SGCZ: variants seen among roughly 807,000 people sequenced by gnomAD.
SGCZ encodes zeta-sarcoglycan.
A neutral mutation model predicts 41.3 loss-of-function variants in SGCZ; 40 were observed. The observed-to-expected ratio is 0.97, with a 90% confidence interval of 0.75 to 1.26. The LOEUF is 1.26. Ranked by LOEUF, SGCZ falls within the 50% of genes most tolerant of loss-of-function variation. SGCZ has a pLI of 0.00. For synonymous variants in SGCZ, 206 were observed against 137.5 expected (o/e 1.50, Z -3.49); for missense variants, 552 against 369.8 (o/e 1.49, Z -4.04).
intron 1 of SGCZ, among the ~76,000 whole-genome samples, chr8:14,655,898 A>G (rs1212490320): frequency 6.6e-6 from 1 of 152,062 alleles, no homozygotes; most frequent in African/African-American, 2.4e-5. Flanking sequence ...TTTACTCAGC[A>G]TAATTTTATG....
At chr8:14,650,541 G>A (rs952336047) in intron 1 of SGCZ, among the ~76,000 whole-genome samples, 5 of 151,754 alleles carry the variant, frequency 3.3e-5, no homozygotes, top group Admixed American at 6.6e-5. Context: ...AGTGTCTGCT[G>A]TTTCCCTCTT....
At position 14,862,457 on chromosome 8, in the gene SGCZ, T is replaced by C. The variant is rs111773601; in HGVS notation, c.40-307531A>G. 3.2e-3 allele frequency among the ~76,000 whole-genome samples: 477 copies of C among 148,148 alleles called. 3 individuals carry two copies. The highest frequency in any genetic ancestry group is 0.011 in the African/African-American group (439 of 40,150). On this transcript the variant is annotated intron_variant, in intron 1 of 7. Transcript: ENST00000382080. ...ATAATGCACGAATTATTTGACAAAA[T>C]AGAATAAATTTAAGTATAACAAGAA...
At chr8:14,712,346 T>A (rs986397531) in intron 1 of SGCZ, among the ~76,000 whole-genome samples, 2 of 152,202 alleles carry the variant, frequency 1.3e-5, no homozygotes, top group African/African-American at 4.8e-5. Flanking sequence ...TAATTACTTT[T>A]AAAGACTGTA....
intron 2 of SGCZ, among the ~76,000 whole-genome samples, chr8:14,346,760 T>C (rs1423354719): frequency 6.6e-6 from 1 of 152,064 alleles, no homozygotes; most frequent in South Asian, 2.1e-4. Context: ...ATAATTTTTG[T>C]AGTTAATGTT....
rs1274398775 is a variant in SGCZ at position 14,582,925 on chromosome 8, T to C, written c.40-27999A>G. On this transcript the variant is annotated intron_variant, in intron 1 of 7. Transcript: ENST00000382080. Reference sequence around the variant, plus strand: ...GTCTATCATTGTTGGACATTTGGGTTGGTTCCAAGTCTTTGCTATGGTGAA... The same window carrying C: ...GTCTATCATTGTTGGACATTTGGGTCGGTTCCAAGTCTTTGCTATGGTGAA... Among the ~76,000 whole-genome samples, 13 of 152,086 alleles carry C rather than the reference T, an allele frequency of 8.5e-5. No individual in the cohort carries two copies. In the East Asian group the frequency reaches 2.5e-3, roughly 30 times the overall value.
intron 1 of SGCZ, among the ~76,000 whole-genome samples, chr8:15,202,258 T>A (rs745511166): frequency 8.5e-5 from 13 of 152,110 alleles, no homozygotes; most frequent in Non-Finnish European, 1.5e-4. Flanking sequence ...TGCTCATGAA[T>A]CAATGAGTGA....
At chr8:14,471,896 G>A (rs1276767934) in intron 2 of SGCZ, among the ~76,000 whole-genome samples, 1 of 151,864 alleles carries the variant, frequency 6.6e-6, no homozygotes, top group Non-Finnish European at 1.5e-5. Context: ...CTATGTCAAA[G>A]AAATAATGAC....
intron 5 of SGCZ, among the ~76,000 whole-genome samples, chr8:14,145,956 C>T (rs766912492): frequency 1.1e-4 from 16 of 151,974 alleles, no homozygotes; most frequent in African/African-American, 3.9e-4. Context: ...AAATAGCCTC[C>T]AATGGGTAAA....
intron 2 of SGCZ, among the ~76,000 whole-genome samples, chr8:14,424,645 T>G (rs148196030): frequency 6.6e-6 from 1 of 152,156 alleles, no homozygotes; most frequent in Non-Finnish European, 1.5e-5. Context: ...CAGTGCATAT[T>G]TACATGCATG....
intron 2 of SGCZ, among the ~76,000 whole-genome samples, chr8:14,397,493 G>C (rs773784433): frequency 4.6e-5 from 7 of 152,118 alleles, no homozygotes; most frequent in African/African-American, 1.2e-4. Context: ...TAGTGTCCAA[G>C]TTACATTTTA....
chr8:14,346,176 T>A (rs187815760), intron 2 of SGCZ, among the ~76,000 whole-genome samples: 245 of 152,202 alleles, frequency 1.6e-3, no homozygotes, highest in African/African-American at 5.6e-3. Flanking sequence ...AATACGTTAC[T>A]AATAGGAGAA....
chr8:14,792,750 G>A (rs901549101), intron 1 of SGCZ, among the ~76,000 whole-genome samples: 2 of 151,900 alleles, frequency 1.3e-5, no homozygotes, highest in Middle Eastern at 3.2e-3. Flanking sequence ...AGCACCTAAA[G>A]GTCCAGGGTT....
chr8:14,281,753 G>A (rs565453162), intron 3 of SGCZ, among the ~76,000 whole-genome samples: 28 of 151,854 alleles, frequency 1.8e-4, no homozygotes, highest in Non-Finnish European at 3.5e-4. Context: ...ACACATAGAG[G>A]GGCCTGTGAG....
In SGCZ at chr8:15,029,406, T is replaced by C. The variant is rs1563450810; in HGVS notation, c.39+208179A>G. Reference sequence around the variant, plus strand: ...ATTTTTCTGTGGACTTTTTACTGGATATTGTGTGTGTGCATGTTCATGCAT... The same window carrying C: ...ATTTTTCTGTGGACTTTTTACTGGACATTGTGTGTGTGCATGTTCATGCAT... On this transcript the variant is annotated intron_variant, in intron 1 of 7. Coordinates refer to ENST00000382080, the MANE Select transcript of SGCZ (RefSeq NM_139167.4). 7.2e-5 allele frequency among the ~76,000 whole-genome samples: 11 copies of C among 152,148 alleles called. No homozygotes were observed. In the South Asian group the frequency reaches 2.3e-3, roughly 32 times the overall value.
rs534125330 is a variant in SGCZ, at chr8:15,009,300, A to G, written c.39+228285T>C. 8.5e-5 allele frequency among the ~76,000 whole-genome samples: 13 copies of G among 152,366 alleles called. 1 individual carries two copies. In the South Asian group the frequency reaches 2.7e-3, roughly 32 times the overall value. ...AAGGTGGAGGTGCAACACACTTTCA[A>G]ACAACCAGATCTCGTGAGAACTCAC... On this transcript the variant is annotated intron_variant, in intron 1 of 7. Transcript: ENST00000382080.
intron 1 of SGCZ, among the ~76,000 whole-genome samples, chr8:14,915,316 T>A (rs977433182): frequency 1.3e-5 from 2 of 152,174 alleles, no homozygotes; most frequent in African/African-American, 4.8e-5. Flanking sequence ...TAAAACCTAG[T>A]CATATTGATA....
At chr8:15,183,587 G>A (rs186618557) in intron 1 of SGCZ, among the ~76,000 whole-genome samples, 108 of 152,270 alleles carry the variant, frequency 7.1e-4, no homozygotes, top group African/African-American at 2.4e-3. Flanking sequence ...ATTTAGATGT[G>A]AAAGTTTCAG....
intron 5 of SGCZ, among the ~76,000 whole-genome samples, chr8:14,135,583 A>C (rs1803171423): frequency 6.6e-6 from 1 of 152,232 alleles, no homozygotes; most frequent in Non-Finnish European, 1.5e-5. Context: ...CACAAAATGC[A>C]AACTATTAAA....
Position 14,263,157 on chromosome 8 carries a change from C to T in SGCZ, c.337-25478G>A, listed in dbSNP as rs189566369. Among the ~76,000 whole-genome samples the T allele has an allele frequency of 4.9e-3, 744 of 152,088 alleles. 7 individuals are homozygous for T. The highest frequency in any genetic ancestry group is 0.02 in the South Asian group (94 of 4,814). ...ACTACAAACTAAAAATAAAGCAATT[C>T]AAAACTATTTTTCAACAAATCGTAA... On this transcript the variant is annotated intron_variant, in intron 3 of 7. Transcript: ENST00000382080.
Sources: gnomAD v4.1 joint callset for allele counts (sites outside exome capture counted in the v4.1 genomes callset) on GRCh38, gnomAD v4.1.1 for gene constraint, MANE v1.5 for transcripts, NCBI Gene and HGNC (gene_info 2026-07-23, HGNC 2026-07-21) for gene names.